The following SLC24A2 variants were observed in gnomAD, a reference collection of about 807,000 sequenced individuals.
The protein encoded by SLC24A2 is sodium/potassium/calcium exchanger 2.
SLC24A2 carries 36 observed loss-of-function variants against 62.0 expected under a neutral mutation model. That is an observed-to-expected ratio of 0.58 (90% CI 0.44 to 0.77). The LOEUF (loss-of-function observed/expected upper bound fraction) is 0.77. Among genes scored for constraint, SLC24A2 ranks in the 30% least tolerant of loss-of-function variants. The probability of loss-of-function intolerance (pLI) is 0.00; values close to 1 mark genes in which losing one functional copy is unlikely to be tolerated. For missense variants in SLC24A2, 846 were observed against 817.9 expected (o/e 1.03, Z -0.42); for synonymous variants, 358 against 294.0 (o/e 1.22, Z -2.23).
chr9:20,031,830 C>T, the SLC24A2 span, among the ~76,000 whole-genome samples: 4 of 151,950 alleles, frequency 2.6e-5, no homozygotes, highest in South Asian at 2.1e-4. Flanking sequence ...GCTGTAGGGG[C>T]GTTGGTGGGC....
intron 2 of SLC24A2, among the ~76,000 whole-genome samples, chr9:19,708,239 C>G (rs1211738008): frequency 6.6e-6 from 1 of 152,110 alleles, no homozygotes; most frequent in East Asian, 1.9e-4. Flanking sequence ...CAAACCACTG[C>G]TCAAGGAAAT....
At chr9:19,803,896 T>A in the SLC24A2 span, among the ~76,000 whole-genome samples, 1 of 152,200 alleles carries the variant, frequency 6.6e-6, no homozygotes, top group Non-Finnish European at 1.5e-5. Flanking sequence ...ATAATTCATA[T>A]CCCATTAAAT....
chr9:19,870,169 G>C, the SLC24A2 span, among the ~76,000 whole-genome samples: 1 of 152,026 alleles, frequency 6.6e-6, no homozygotes, highest in Non-Finnish European at 1.5e-5. Flanking sequence ...GTACCCATTA[G>C]TAGTTATTCC....
At chr9:20,047,422 T>G in the SLC24A2 span, among the ~76,000 whole-genome samples, 1 of 151,690 alleles carries the variant, frequency 6.6e-6, no homozygotes, top group Admixed American at 6.6e-5. Flanking sequence ...GTCAGCTATT[T>G]TCATTATTAA....
the SLC24A2 span, among the ~76,000 whole-genome samples, chr9:20,238,034 ATCT>A: frequency 3.4e-4 from 52 of 152,288 alleles, no homozygotes; most frequent in African/African-American, 1.2e-3. Context: ...ACTTGGAGTC[ATCT>A]TGGCTTCTCA....
At chr9:20,176,937 A>G in the SLC24A2 span, among the ~76,000 whole-genome samples, 10 of 148,604 alleles carry the variant, frequency 6.7e-5, no homozygotes, top group East Asian at 2.0e-3. Flanking sequence ...GAAAATTAGA[A>G]CTTCCTTACT....
At position 19,716,183 on chromosome 9, in the gene SLC24A2, T is replaced by C. The variant is rs1820854587; in HGVS notation, c.930+69754A>G. Reference sequence around the variant, plus strand: ...TTCCTTCTTTTTCTATTTCTCCCTTTTGCCTTTCCTAATCCATATCGCAAG... The same window carrying C: ...TTCCTTCTTTTTCTATTTCTCCCTTCTGCCTTTCCTAATCCATATCGCAAG... On this transcript the variant is annotated intron_variant, in intron 2 of 10. Transcript: ENST00000341998. Among the ~76,000 whole-genome samples the C allele has an allele frequency of 3.3e-5, 5 of 152,314 alleles. No individual in the cohort carries two copies. In the South Asian group the frequency reaches 1.0e-3, roughly 32 times the overall value.
chr9:20,221,270 C>G, the SLC24A2 span, among the ~76,000 whole-genome samples: 1 of 152,046 alleles, frequency 6.6e-6, no homozygotes, highest in African/African-American at 2.4e-5. Flanking sequence ...AGTGTAGAAG[C>G]AGAAAGCTAA....
the SLC24A2 span, among the ~76,000 whole-genome samples, chr9:20,072,571 T>C: frequency 3.3e-5 from 5 of 151,984 alleles, no homozygotes; most frequent in African/African-American, 4.8e-5. Context: ...ATATCACATA[T>C]CAAAAGAGAC....
the SLC24A2 span, among the ~76,000 whole-genome samples, chr9:20,102,187 T>A: frequency 1.3e-5 from 2 of 152,174 alleles, no homozygotes; most frequent in Non-Finnish European, 2.9e-5. Context: ...AGTAAGCCCA[T>A]GGAGAACTAA....
intron 2 of SLC24A2, among the ~76,000 whole-genome samples, chr9:19,781,116 C>A (rs747084493): frequency 6.6e-6 from 1 of 152,118 alleles, no homozygotes; most frequent in Non-Finnish European, 1.5e-5. Flanking sequence ...ATTAAATAAA[C>A]TGCATGCATA....
chr9:19,826,856 T>C, the SLC24A2 span, among the ~76,000 whole-genome samples: 4 of 152,162 alleles, frequency 2.6e-5, no homozygotes, highest in African/African-American at 4.8e-5. Context: ...GGGCAGATTG[T>C]GAAGCACCTT....
At chr9:20,019,311 G>GAAAGAAA in the SLC24A2 span, among the ~76,000 whole-genome samples, 450 of 145,534 alleles carry the variant, frequency 3.1e-3, 2 homozygotes, top group African/African-American at 0.011. Context: ...AAGAAAGAAA[G>GAAAGAAA]AAAGTGAGTG....
chr9:19,784,196 C>T (rs2209741), intron 2 of SLC24A2, among the ~76,000 whole-genome samples: 58,128 of 151,992 alleles, frequency 0.38, 11,827 homozygotes, highest in Admixed American at 0.47. Flanking sequence ...TGACTAAATA[C>T]AGTCTATAAA....
At chr9:20,097,900 G>A in the SLC24A2 span, among the ~76,000 whole-genome samples, 1 of 151,318 alleles carries the variant, frequency 6.6e-6, no homozygotes, top group Non-Finnish European at 1.5e-5. Context: ...TCGACACCAC[G>A]CCGGGCTAAT....
At chr9:20,072,725 G>A in the SLC24A2 span, among the ~76,000 whole-genome samples, 3 of 151,998 alleles carry the variant, frequency 2.0e-5, no homozygotes, top group Non-Finnish European at 2.9e-5. Context: ...AATGATATAA[G>A]TAGAGAGTAG....
the SLC24A2 span, among the ~76,000 whole-genome samples, chr9:20,209,197 C>T: frequency 6.6e-6 from 1 of 152,238 alleles, no homozygotes; most frequent in Non-Finnish European, 1.5e-5. Flanking sequence ...TTCCAGGTCT[C>T]AAATCAGTCA....
chr9:19,833,600 C>T, the SLC24A2 span, among the ~76,000 whole-genome samples: 1 of 152,158 alleles, frequency 6.6e-6, no homozygotes, highest in Admixed American at 6.5e-5. Context: ...GGGTGGAGCC[C>T]ACCACAGCTC....
the SLC24A2 span, among the ~76,000 whole-genome samples, chr9:19,857,570 T>A: frequency 6.6e-6 from 1 of 152,240 alleles, no homozygotes; most frequent in Non-Finnish European, 1.5e-5. Flanking sequence ...AGATACAAAT[T>A]ATGCACATAT....
Sources: gnomAD v4.1 joint callset for allele counts (sites outside exome capture counted in the v4.1 genomes callset) on GRCh38, gnomAD v4.1.1 for gene constraint, MANE v1.5 for transcripts, NCBI Gene and HGNC (gene_info 2026-07-23, HGNC 2026-07-21) for gene names.